EXOC4: variants seen among roughly 807,000 people sequenced by gnomAD.
EXOC4 encodes the protein SEC8-like 1.
A neutral mutation model predicts 107.2 loss-of-function variants in EXOC4; 71 were observed. The ratio of observed to expected loss-of-function variants is 0.66; its 90% CI spans 0.55 to 0.81. The LOEUF (loss-of-function observed/expected upper bound fraction) is 0.81. Among genes scored for constraint, EXOC4 ranks in the 30% least tolerant of loss-of-function variants. The pLI, the probability that EXOC4 is intolerant of heterozygous loss-of-function variation, is 0.00. For synonymous variants in EXOC4, 456 were observed against 441.2 expected, an observed-to-expected ratio of 1.03 and a Z score of -0.42; for missense variants, 1,108 against 1,189.6, an observed-to-expected ratio of 0.93 and a Z score of 1.01.
intron 13 of EXOC4, among the ~76,000 whole-genome samples, chr7:133,931,001 C>A (rs1800163847): frequency 6.7e-6 from 1 of 148,604 alleles, no homozygotes; most frequent in African/African-American, 2.5e-5. Flanking sequence ...TTCAAGCATT[C>A]GTCATTTATT....
At chr7:133,506,065 A>G (rs1799659844) in intron 9 of EXOC4, among the ~76,000 whole-genome samples, 1 of 152,192 alleles carries the variant, frequency 6.6e-6, no homozygotes, top group African/African-American at 2.4e-5. Flanking sequence ...TACGCTGGAA[A>G]AATACTTTGA....
intron 10 of EXOC4, among the ~76,000 whole-genome samples, chr7:133,785,319 C>CG (rs1796545790): frequency 1.3e-5 from 2 of 151,886 alleles, no homozygotes; most frequent in Non-Finnish European, 2.9e-5. Context: ...GGTATTTGAT[C>CG]AAATCTGAGT....
At chr7:133,478,391 A>T (rs553953122) in intron 8 of EXOC4, among the ~76,000 whole-genome samples, 1 of 152,008 alleles carries the variant, frequency 6.6e-6, no homozygotes, top group Admixed American at 6.5e-5. Flanking sequence ...TTGGGCAGTA[A>T]TGAAACTTAT....
chr7:133,514,944 T>C (rs1358377225), intron 9 of EXOC4, among the ~76,000 whole-genome samples: 1 of 152,142 alleles, frequency 6.6e-6, no homozygotes, highest in Non-Finnish European at 1.5e-5. Flanking sequence ...AGTCTGAACT[T>C]TTTTGTTGCT....
At chr7:133,997,446 T>C (rs748550184) in intron 14 of EXOC4, 46 bp from the exon 15 acceptor site, 3 of 1,605,760 alleles carry the variant, frequency 1.9e-6, no homozygotes, top group Admixed American at 1.7e-5. Flanking sequence ...CAGAAAAATC[T>C]GTAGGCATCT....
chr7:133,610,466 G>T (rs1802051207), intron 9 of EXOC4, among the ~76,000 whole-genome samples: 1 of 152,112 alleles, frequency 6.6e-6, no homozygotes, highest in Non-Finnish European at 1.5e-5. Context: ...CTTCTTGAAA[G>T]TTCCAACCTG....
At chr7:133,702,058 TGTG>T (rs1794671698) in intron 10 of EXOC4, among the ~76,000 whole-genome samples, 1 of 144,604 alleles carries the variant, frequency 6.9e-6, no homozygotes, top group African/African-American at 2.6e-5. Context: ...TGGAGTACAG[TGTG>T]GTGATCTTGG....
chr7:133,856,902 C>G (rs1042561172), intron 11 of EXOC4, among the ~76,000 whole-genome samples: 44 of 151,186 alleles, frequency 2.9e-4, no homozygotes, highest in African/African-American at 1.0e-3. Flanking sequence ...AGATCGAGAC[C>G]ATCCTGGCTA....
chr7:133,947,053 A>T (rs1800568281), intron 14 of EXOC4, among the ~76,000 whole-genome samples: 1 of 152,232 alleles, frequency 6.6e-6, no homozygotes, highest in Admixed American at 6.5e-5. Flanking sequence ...CAAATCAGGC[A>T]AGTTAGGGTA....
intron 11 of EXOC4, chr7:133,895,290 C>T (rs1349945602): frequency 3.8e-5 from 8 of 208,282 alleles, no homozygotes; most frequent in South Asian, 1.5e-4. Context: ...CTTCGGCTCG[C>T]GCACGGTGCG....
intron 17 of EXOC4, among the ~76,000 whole-genome samples, chr7:134,030,424 C>G (rs958083678): frequency 1.3e-5 from 2 of 152,184 alleles, no homozygotes; most frequent in Non-Finnish European, 2.9e-5. Flanking sequence ...CTGATACGTG[C>G]TACATGCTGC....
intron 10 of EXOC4, among the ~76,000 whole-genome samples, chr7:133,800,241 G>C (rs1335842051): frequency 6.6e-6 from 1 of 152,060 alleles, no homozygotes; most frequent in African/African-American, 2.4e-5. Flanking sequence ...CATTCCTTTG[G>C]ATTCTCTTAA....
intron 7 of EXOC4, among the ~76,000 whole-genome samples, chr7:133,400,797 C>T (rs113231047): frequency 1.3e-3 from 200 of 152,032 alleles, no homozygotes; most frequent in African/African-American, 4.7e-3. Context: ...GGTTAATAAA[C>T]GAGGTAATGA....
At chr7:134,017,429 G>A (rs1442700443) in intron 17 of EXOC4, among the ~76,000 whole-genome samples, 1 of 152,138 alleles carries the variant, frequency 6.6e-6, no homozygotes, top group Non-Finnish European at 1.5e-5. Flanking sequence ...AAATATACCA[G>A]TTGATAAAAT....
chr7:133,327,254 C>T (rs527369642), intron 5 of EXOC4, among the ~76,000 whole-genome samples: 48 of 152,342 alleles, frequency 3.2e-4, no homozygotes, highest in African/African-American at 1.1e-3. Flanking sequence ...TGAGATGAAC[C>T]CAGTACCTCA....
chr7:133,938,220 T>C, intron 14 of EXOC4, 151 bp downstream of exon 14: 1 of 738,350 alleles, frequency 1.4e-6, no homozygotes, highest in Non-Finnish European at 2.2e-6. Flanking sequence ...GTGTTGCACC[T>C]CTTGTACTTT....
intron 10 of EXOC4, among the ~76,000 whole-genome samples, chr7:133,757,236 A>T (rs1227886626): frequency 1.3e-5 from 2 of 152,228 alleles, no homozygotes; most frequent in African/African-American, 4.8e-5. Flanking sequence ...ATAATGTTGA[A>T]TGTGAGCCAT....
chr7:133,519,098 C>T (rs1799934839), intron 9 of EXOC4, among the ~76,000 whole-genome samples: 1 of 152,066 alleles, frequency 6.6e-6, no homozygotes, highest in Non-Finnish European at 1.5e-5. Context: ...GTAAATATTT[C>T]ATTTAAGTTT....
chr7:133,264,609 T>C (rs1793673303), intron 1 of EXOC4, among the ~76,000 whole-genome samples: 2 of 152,316 alleles, frequency 1.3e-5, no homozygotes, highest in Non-Finnish European at 2.9e-5. Flanking sequence ...CCGTATCTTA[T>C]GTGATTATAT....
Sources: allele counts gnomAD v4.1 joint callset (sites outside exome capture counted in the v4.1 genomes callset), GRCh38; gene constraint gnomAD v4.1.1; transcripts MANE v1.5; gene names NCBI Gene and HGNC (gene_info 2026-07-23, HGNC 2026-07-21).